Variants in SLC4A10 observed in about 807,000 individuals in gnomAD.
SLC4A10 encodes sodium-driven chloride bicarbonate exchanger.
Under a neutral mutation model 137.7 loss-of-function variants are expected in SLC4A10, and 42 were observed. That is an observed-to-expected ratio of 0.30 (90% CI 0.24 to 0.39). SLC4A10 has a LOEUF of 0.39. Ranked by LOEUF, SLC4A10 falls within the 10% of genes least tolerant of loss-of-function variation. SLC4A10 has a pLI of 1.00. For missense variants in SLC4A10, 925 were observed against 1,355.0 expected, an observed-to-expected ratio of 0.68 and a Z score of 4.98; for synonymous variants, 474 against 464.1, an observed-to-expected ratio of 1.02 and a Z score of -0.27.
At chr2:161,760,026 C>A (rs1243805399) in intron 1 of SLC4A10, among the ~76,000 whole-genome samples, 2 of 151,998 alleles carry the variant, frequency 1.3e-5, no homozygotes, top group East Asian at 3.9e-4. Context: ...AAAAATGTCT[C>A]ATTCTACTGT....
intron 1 of SLC4A10, among the ~76,000 whole-genome samples, chr2:161,661,357 C>G (rs1361433512): frequency 6.6e-6 from 1 of 152,194 alleles, no homozygotes; most frequent in African/African-American, 2.4e-5. Flanking sequence ...CGCCTGTAGT[C>G]CCAGCTACTC....
At chr2:161,961,435 A>C (rs2105895163) in intron 21 of SLC4A10, among the ~76,000 whole-genome samples, 1 of 152,272 alleles carries the variant, frequency 6.6e-6, no homozygotes, top group African/African-American at 2.4e-5. Flanking sequence ...AATTAGATTT[A>C]ATTTGCTCAT....
intron 1 of SLC4A10, among the ~76,000 whole-genome samples, chr2:161,745,038 A>G (rs1168768000): frequency 6.6e-6 from 1 of 152,088 alleles, no homozygotes; most frequent in South Asian, 2.1e-4. Context: ...GTTGACAAAA[A>G]TCCCCCAACT....
intron 3 of SLC4A10, among the ~76,000 whole-genome samples, chr2:161,806,754 G>A (rs538632230): frequency 6.6e-6 from 1 of 152,194 alleles, no homozygotes; most frequent in East Asian, 1.9e-4. Context: ...CACGTCACTA[G>A]GAAGTTCCAA....
At chr2:161,902,149 T>C (rs1242120587) in intron 12 of SLC4A10, 3 of 452,650 alleles carry the variant, frequency 6.6e-6, no homozygotes, top group African/African-American at 4.0e-5. Context: ...TCTGGGCTGC[T>C]CTTGCACTGT....
At chr2:161,899,924 T>A (rs922468317) in intron 11 of SLC4A10, among the ~76,000 whole-genome samples, 3 of 152,134 alleles carry the variant, frequency 2.0e-5, no homozygotes, top group African/African-American at 7.2e-5. Context: ...TTTCAAAACC[T>A]TTTTTATGTT....
chr2:161,719,950 T>C (rs2045439653), intron 1 of SLC4A10, among the ~76,000 whole-genome samples: 1 of 152,254 alleles, frequency 6.6e-6, no homozygotes, highest in South Asian at 2.1e-4. Flanking sequence ...TTTGGTGTTT[T>C]AGACATGAAG....
At chr2:161,899,370 C>T (rs2063860613) in intron 11 of SLC4A10, among the ~76,000 whole-genome samples, 1 of 152,022 alleles carries the variant, frequency 6.6e-6, no homozygotes. Flanking sequence ...CTCTGTGCTA[C>T]TTGTCTCCAG....
At chr2:161,789,060 A>G (rs944312078) in intron 2 of SLC4A10, among the ~76,000 whole-genome samples, 2 of 152,198 alleles carry the variant, frequency 1.3e-5, no homozygotes, top group Admixed American at 6.5e-5. Context: ...CAACACAAGG[A>G]CTAAGGTTCC....
rs61399867 is a variant in SLC4A10 at position 161,978,384 on chromosome 2, CAAA to C, written c.*26+639_*26+641del. Among the ~76,000 whole-genome samples, 7 of 90,484 alleles carry C rather than the reference CAAA, an allele frequency of 7.7e-5. No individual in the cohort carries two copies. In the South Asian group the frequency reaches 1.3e-3, roughly 17 times the overall value. 59.4% of individuals were successfully genotyped at this position (90,484 alleles called of 152,430 possible). On this transcript the variant is annotated intron_variant, in intron 26 of 26. Coordinates refer to ENST00000446997, the MANE Select transcript of SLC4A10 (RefSeq NM_001178015.2). ...CCTGGGCAACAGAGAGAGACTCTGT[CAAA>C]AAAAAAAAAAAAAAGAAAAGAAAAA...
rs559161478 is a variant in SLC4A10, at chr2:161,785,709, T to C, written c.130+14655T>C. The stretch of plus-strand genomic sequence containing the variant: ...GTAGCTCAACACAATAAAGGCCATA[T>C]ATGACAATCCTACAGTTTACATCAT... On this transcript the variant is annotated intron_variant, in intron 2 of 26. Transcript: ENST00000446997. Among the ~76,000 whole-genome samples, 4 of 151,952 alleles carry C rather than the reference T, an allele frequency of 2.6e-5. No homozygotes were observed. In the East Asian group the frequency reaches 5.8e-4, roughly 22 times the overall value.
chr2:161,756,322 C>A (rs927107684), intron 1 of SLC4A10, among the ~76,000 whole-genome samples: 7 of 152,046 alleles, frequency 4.6e-5, no homozygotes, highest in African/African-American at 1.7e-4. Flanking sequence ...AAGAATTAAA[C>A]TATATGATAT....
chr2:161,789,968 T>G lies in SLC4A10; in HGVS notation c.131-14481T>G, dbSNP rs551748483. On this transcript the variant is annotated intron_variant, in intron 2 of 26. Transcript: ENST00000446997. ...TAATCCTTGAAGTCACTCTATCTGA[T>G]AAGCACATTATTATCTCCATTTCAC... 3.0e-4 allele frequency among the ~76,000 whole-genome samples: 46 copies of G among 152,274 alleles called. 1 individual carries two copies. The highest frequency in any genetic ancestry group is 1.1e-3 in the African/African-American group (46 of 41,556).
At chr2:161,762,449 A>C (rs1400036791) in intron 1 of SLC4A10, among the ~76,000 whole-genome samples, 1 of 152,122 alleles carries the variant, frequency 6.6e-6, no homozygotes, top group Admixed American at 6.6e-5. Flanking sequence ...AAGCAGTATG[A>C]TACAATTAGA....
chr2:161,870,631 A>G (rs964652578), intron 6 of SLC4A10, among the ~76,000 whole-genome samples: 1 of 151,838 alleles, frequency 6.6e-6, no homozygotes, highest in African/African-American at 2.4e-5. Context: ...CAAATGCATT[A>G]TGTAAAAGAT....
intron 1 of SLC4A10, among the ~76,000 whole-genome samples, chr2:161,647,075 A>G (rs569957250): frequency 4.6e-5 from 7 of 152,090 alleles, no homozygotes; most frequent in African/African-American, 1.4e-4. Flanking sequence ...TTCTTCTGGA[A>G]TGATTATACA....
chr2:161,809,019 A>G (rs1358681739), intron 3 of SLC4A10, among the ~76,000 whole-genome samples: 1 of 152,152 alleles, frequency 6.6e-6, no homozygotes, highest in African/African-American at 2.4e-5. Context: ...GAACCAATTT[A>G]TATTCCCACC....
At chr2:161,677,827 C>T (rs1031320797) in intron 1 of SLC4A10, among the ~76,000 whole-genome samples, 2 of 152,158 alleles carry the variant, frequency 1.3e-5, no homozygotes, top group Non-Finnish European at 2.9e-5. Context: ...CAGAAATGAA[C>T]GTGGACAGTT....
intron 19 of SLC4A10, among the ~76,000 whole-genome samples, chr2:161,953,797 A>C (rs915448093): frequency 1.3e-5 from 2 of 152,160 alleles, no homozygotes; most frequent in African/African-American, 2.4e-5. Flanking sequence ...CAAAAATTTG[A>C]GAATGTGAAG....
Sources: gnomAD v4.1 joint callset for allele counts (sites outside exome capture counted in the v4.1 genomes callset) on GRCh38, gnomAD v4.1.1 for gene constraint, MANE v1.5 for transcripts, NCBI Gene and HGNC (gene_info 2026-07-23, HGNC 2026-07-21) for gene names.